Variants in DCP2 observed in about 807,000 individuals in gnomAD.
DCP2 encodes the protein decapping mRNA 2, also known as m7GpppN-mRNA hydrolase.
A neutral mutation model predicts 56.1 loss-of-function variants in DCP2; 30 were observed. That is an observed-to-expected ratio of 0.53 (90% CI 0.40 to 0.73). The LOEUF (loss-of-function observed/expected upper bound fraction) is 0.73. Ranked by LOEUF, DCP2 falls within the 30% of genes least tolerant of loss-of-function variation. DCP2 has a pLI of 0.00. For synonymous variants in DCP2, 197 were observed against 163.3 expected (o/e 1.21, Z -1.57); for missense variants, 533 against 502.7 (o/e 1.06, Z -0.58).
intron 9 of DCP2, among the ~76,000 whole-genome samples, chr5:113,009,654 A>AGAT (rs10656558): frequency 0.19 from 29,113 of 152,114 alleles, 2,901 homozygotes; most frequent in Non-Finnish European, 0.21. Flanking sequence ...ATATTGAAGA[A>AGAT]GATATTAAAT....
chr5:112,984,690 A>AT (rs1748165424), intron 1 of DCP2: 1 of 90,914 alleles, frequency 1.1e-5, no homozygotes, highest in African/African-American at 5.5e-5. Context: ...CTTAATTAAA[A>AT]AAAAAAAAAA....
chr5:112,996,827 CTG>C (rs1166074927), intron 4 of DCP2, among the ~76,000 whole-genome samples: 2 of 152,148 alleles, frequency 1.3e-5, no homozygotes, highest in Admixed American at 6.5e-5. Context: ...AGATTTAGGA[CTG>C]TCAAAAGACA....
In DCP2 at chr5:112,976,824, C is replaced by T. The variant is rs766870553; in HGVS notation, c.-110C>T. 16 of 1,124,154 alleles carry T rather than the reference C, an allele frequency of 1.4e-5. No homozygotes were observed. The highest frequency in any genetic ancestry group is 4.9e-5 in the South Asian group (4 of 81,286). 69.6% of individuals were successfully genotyped at this position (1,124,154 alleles called of 1,614,324 possible). On this transcript the variant is annotated 5_prime_UTR_variant, in exon 1 of 11. Coordinates refer to ENST00000389063, the MANE Select transcript of DCP2 (RefSeq NM_152624.6). ...TCGTCTCCGTTGGAGTCGTCTCTGC[C>T]GCGGCTTCCTCGGCTGCCAGCTCTC...
chr5:112,980,503 C>G (rs1362947328), intron 1 of DCP2, among the ~76,000 whole-genome samples: 1 of 152,190 alleles, frequency 6.6e-6, no homozygotes, highest in Non-Finnish European at 1.5e-5. Context: ...GCAGTTTTTT[C>G]CGTAACAAAT....
Position 113,020,704 on chromosome 5 carries a change from C to G in DCP2, c.*7220C>G, listed in dbSNP as rs188123227. 202 of 152,254 alleles carry G rather than the reference C, an allele frequency of 1.3e-3. No homozygotes were observed. The highest frequency in any genetic ancestry group is 4.7e-3 in the African/African-American group (195 of 41,540). The allele number at this position is 152,254 out of a possible 1,614,324, so 9.4% of individuals were successfully genotyped here. A position where few individuals can be genotyped will look rare whatever the true frequency, so the allele number is the denominator to read the frequency against. ...TGCAGGATTACTGTACTTCCAAAGA[C>G]CCACTAGAATGTCAGCTGTACTCTG... On this transcript the variant is annotated 3_prime_UTR_variant, in exon 11 of 11. Coordinates refer to ENST00000389063, the MANE Select transcript of DCP2 (RefSeq NM_152624.6).
At chr5:113,010,943 C>T in intron 10 of DCP2, 136 bp downstream of exon 10, 1 of 897,720 alleles carries the variant, frequency 1.1e-6, no homozygotes, top group Non-Finnish European at 1.6e-6. Context: ...AGAAAGAGTT[C>T]ATGTATGTAG....
rs778288499 is a variant in DCP2 at position 112,976,942 on chromosome 5, C to G, written c.9C>G (p.Thr3=). ...TGCTGTGGGTCCTCATCATGGAGAC[C>G]AAACGGGTGGAGATTCCCGGCAGCG... The part of the protein sequence containing the change: ME[T]KRVEIPGSVL... Residue 3 remains threonine, a synonymous_variant, in exon 1 of 11, where the codon ACC becomes ACG. Transcript: ENST00000389063. 1.9e-6 allele frequency: 3 copies of G among 1,608,560 alleles called. No individual in the cohort carries two copies. Among genetic ancestry groups the G allele is most frequent in the African/African-American group, 2.7e-5 (2 of 74,836 alleles).
In DCP2 at chr5:113,013,614, C is replaced by T. The variant is rs1749769691; in HGVS notation, c.*130C>T. 8.8e-7 allele frequency: 1 copy of T among 1,133,464 alleles called. No homozygotes were observed. The highest frequency in any genetic ancestry group is 1.3e-6 in the Non-Finnish European group (1 of 798,082). The allele number at this position is 1,133,464 out of a possible 1,614,324, so 70.2% of individuals were successfully genotyped here. A position where few individuals can be genotyped will look rare whatever the true frequency, so the allele number is the denominator to read the frequency against. On this transcript the variant is annotated 3_prime_UTR_variant, in exon 11 of 11. Transcript: ENST00000389063. ...GAGGCAATGTTTCTGAAGACATTTTCTGTTTATAAGAGAGTAGAAAGAAAC... is the reference window on the plus strand; with the variant it reads ...GAGGCAATGTTTCTGAAGACATTTTTTGTTTATAAGAGAGTAGAAAGAAAC...
At chr5:113,007,272 A>ATTGTAG (rs1749481775) in intron 8 of DCP2, among the ~76,000 whole-genome samples, 1 of 152,194 alleles carries the variant, frequency 6.6e-6, no homozygotes, top group South Asian at 2.1e-4. Flanking sequence ...TGCTTTAAGA[A>ATTGTAG]CTGTAGCTAA....
chr5:112,995,042 T>A (rs546858303), intron 4 of DCP2, among the ~76,000 whole-genome samples: 1 of 152,338 alleles, frequency 6.6e-6, no homozygotes, highest in Non-Finnish European at 1.5e-5. Context: ...ATAGTTAAAA[T>A]TTTTACAAAC....
Position 112,987,809 on chromosome 5 carries a change from C to A in DCP2, c.205+1823C>A, listed in dbSNP as rs544317423. 2.6e-5 allele frequency among the ~76,000 whole-genome samples: 4 copies of A among 151,064 alleles called. No individual in the cohort carries two copies. The East Asian group carries it at 5.8e-4, about 22-fold the overall frequency. ...TCCATAGGTCTTTTTTTTTTCTCTC[C>A]TTTTTTGAGATAAGGTCTTGCCTTG... On this transcript the variant is annotated intron_variant, in intron 2 of 10. Transcript: ENST00000389063.
rs1750099998 is a variant in DCP2 at position 113,021,051 on chromosome 5, G to A, written c.*7567G>A. 6.6e-6 allele frequency: 1 copy of A among 152,126 alleles called. No individual in the cohort carries two copies. Among genetic ancestry groups the A allele is most frequent in the Non-Finnish European group, 1.5e-5 (1 of 68,018 alleles). 9.4% of individuals were successfully genotyped at this position (152,126 alleles called of 1,614,324 possible). A position where few individuals can be genotyped will look rare whatever the true frequency, so the allele number is the denominator to read the frequency against. On this transcript the variant is annotated 3_prime_UTR_variant, in exon 11 of 11. Coordinates refer to ENST00000389063, the MANE Select transcript of DCP2 (RefSeq NM_152624.6). ...GTTGCTCTTTGGACCAATAAAAATG[G>A]CAAGTATGAGATGAACATGATAAAA... is the stretch of plus-strand genomic sequence containing the variant.
At chr5:113,000,556 G>A (rs768188342) in intron 4 of DCP2, among the ~76,000 whole-genome samples, 3 of 152,036 alleles carry the variant, frequency 2.0e-5, no homozygotes, top group Non-Finnish European at 2.9e-5. Context: ...CCAAGCCATC[G>A]AGATTAATTT....
rs1561700713 is a variant in DCP2, at chr5:113,004,111, T to C, written c.942+34T>C. 3 of 1,594,914 alleles carry C rather than the reference T, an allele frequency of 1.9e-6. No homozygotes were observed. In the African/African-American group the frequency reaches 4.1e-5, roughly 22 times the overall value. On this transcript the variant is annotated intron_variant, in intron 8 of 10. Coordinates refer to ENST00000389063, the MANE Select transcript of DCP2 (RefSeq NM_152624.6). ...TACACAATTACAGTCTTTTCAGAAA[T>C]TTAGATCATTTGGCTTTGAAATTTT...
chr5:113,004,594 A>ATACC (rs1332146513), intron 8 of DCP2, among the ~76,000 whole-genome samples: 1 of 152,196 alleles, frequency 6.6e-6, no homozygotes, highest in Non-Finnish European at 1.5e-5. Context: ...GAACATTCCT[A>ATACC]TACCTGTCTT....
intron 4 of DCP2, among the ~76,000 whole-genome samples, chr5:112,997,274 T>A (rs776287611): frequency 2.0e-5 from 3 of 152,222 alleles, no homozygotes; most frequent in Non-Finnish European, 4.4e-5. Context: ...CAAAGATGTT[T>A]TCTAGATATT....
chr5:112,985,031 A>G (rs1043841761), intron 1 of DCP2, among the ~76,000 whole-genome samples: 2 of 152,082 alleles, frequency 1.3e-5, no homozygotes, highest in Admixed American at 1.3e-4. Flanking sequence ...AAATGACTCT[A>G]AAAACCAGTG....
At chr5:112,980,896 G>C (rs1306507006) in intron 1 of DCP2, among the ~76,000 whole-genome samples, 1 of 151,738 alleles carries the variant, frequency 6.6e-6, no homozygotes, top group East Asian at 1.9e-4. Flanking sequence ...ATATTGAATT[G>C]AGGATTTGGT....
In DCP2 at chr5:113,014,042, C is replaced by G. The variant is rs1197439660; in HGVS notation, c.*558C>G. ...AGTTTTAGTGAAAGGATTTATTGAG[C>G]AGCTTCTGGAATATAATGTGCATGT... On this transcript the variant is annotated 3_prime_UTR_variant, in exon 11 of 11. Transcript: ENST00000389063. 6.6e-6 allele frequency: 1 copy of G among 152,320 alleles called. No homozygotes were observed. The highest frequency in any genetic ancestry group is 1.5e-5 in the Non-Finnish European group (1 of 68,176). The allele number at this position is 152,320 out of a possible 1,614,324, so 9.4% of individuals were successfully genotyped here. A position where few individuals can be genotyped will look rare whatever the true frequency, so the allele number is the denominator to read the frequency against.
Sources: allele counts gnomAD v4.1 joint callset (sites outside exome capture counted in the v4.1 genomes callset), GRCh38; gene constraint gnomAD v4.1.1; transcripts MANE v1.5; gene names NCBI Gene and HGNC (gene_info 2026-07-23, HGNC 2026-07-21).